Variants in KCNC3 observed in about 807,000 individuals in gnomAD.
KCNC3 encodes voltage-gated potassium channel KCNC3.
Under a neutral mutation model 43.9 loss-of-function variants are expected in KCNC3, and 22 were observed. That is an observed-to-expected ratio of 0.50 (90% CI 0.36 to 0.72). The LOEUF is 0.72. Among genes scored for constraint, KCNC3 ranks in the 30% least tolerant of loss-of-function variants. The pLI is 0.00. For synonymous variants in KCNC3, 492 were observed against 488.0 expected (o/e 1.01, Z -0.11); for missense variants, 829 against 1,073.8 (o/e 0.77, Z 3.19).
Position 50,323,660 on chromosome 19 carries a change from G to A in KCNC3, c.1293C>T (p.Phe431=), listed in dbSNP as rs752090228. 37 of 1,614,062 alleles carry A rather than the reference G, an allele frequency of 2.3e-5. 1 individual carries two copies. The highest frequency in any genetic ancestry group is 1.8e-4 in the South Asian group (16 of 91,084). ...ILRIFKLTRH[F]VGLRVLGHTL... ...TGTGTCCCAGCACGCGCAGCCCCAC[G>A]AAGTGCCGGGTCAGCTTGAAGATGC... Residue 431 remains phenylalanine (F), a synonymous_variant, in exon 2 of 5, where the codon TTC becomes TTT. Coordinates refer to ENST00000477616, the MANE Select transcript of KCNC3 (RefSeq NM_004977.3).
chr19:50,319,774 T>C (rs1330345402), intron 4 of KCNC3, among the ~76,000 whole-genome samples: 1 of 152,098 alleles, frequency 6.6e-6, no homozygotes, highest in African/African-American at 2.4e-5. Context: ...GAACTCCCCA[T>C]GCCCAGTACC....
Position 50,328,194 on chromosome 19 carries a change from GC to G in KCNC3, c.870+18del. 9.2e-7 allele frequency: 1 copy of G among 1,090,366 alleles called. No individual in the cohort carries two copies. Among genetic ancestry groups the G allele is most frequent in the Non-Finnish European group, 1.1e-6 (1 of 900,214 alleles). 67.5% of individuals were successfully genotyped at this position (1,090,366 alleles called of 1,614,324 possible). A position where few individuals can be genotyped will look rare whatever the true frequency, so the allele number is the denominator to read the frequency against. ...AGAGGCGGGGGTGGGGTGGATGGGG[GC>G]CCCGAGAGCGCGCTCACCCTGGCAG... On this transcript the variant is annotated intron_variant, in intron 1 of 4. Transcript: ENST00000477616.
rs2036926183 is a variant in KCNC3, at chr19:50,314,871, G to A, written c.*1244C>T. The A allele has an allele frequency of 3.2e-6, 1 of 311,678 alleles. No individual in the cohort carries two copies. Among genetic ancestry groups the A allele is most frequent in the African/African-American group, 2.3e-5 (1 of 42,872 alleles). 19.3% of individuals were successfully genotyped at this position (311,678 alleles called of 1,614,324 possible). Reference sequence around the variant, plus strand: ...GGGGAGCGCTAAAGGATGGAGGGCAGGGTCGGGGGAGCGCGGCGGGCGGCC... The same window carrying A: ...GGGGAGCGCTAAAGGATGGAGGGCAAGGTCGGGGGAGCGCGGCGGGCGGCC... On this transcript the variant is annotated 3_prime_UTR_variant, in exon 5 of 5. Coordinates refer to ENST00000477616, the MANE Select transcript of KCNC3 (RefSeq NM_004977.3).
Position 50,324,059 on chromosome 19 carries a change from G to A in KCNC3, c.894C>T (p.Phe298=). The change falls in exon 2 of 5, where the codon TTC becomes TTT. Residue 298 remains phenylalanine (F), a synonymous_variant. Coordinates refer to ENST00000477616, the MANE Select transcript of KCNC3 (RefSeq NM_004977.3). This position sits in a 1 kb window ranked among gnomAD's most constrained non-coding sequence, Gnocchi z 4.1. ...AGGTGGTGATGGAGATGAGGATGAA[G>A]AAGAGGGAGGCGAAGGCCACATACT... is the stretch of plus-strand genomic sequence containing the variant. ...AARYVAFASL[F]FILISITTFC... The A allele has an allele frequency of 1.2e-6, 2 of 1,601,262 alleles. No homozygotes were observed. The highest frequency in any genetic ancestry group is 1.7e-6 in the Non-Finnish European group (2 of 1,172,566).
chr19:50,323,372 C>G lies in KCNC3; in HGVS notation c.1581G>C (p.Gly527=), dbSNP rs1268320906. 1 of 1,614,158 alleles carries G rather than the reference C, an allele frequency of 6.2e-7. No homozygotes were observed. The highest frequency in any genetic ancestry group is 1.7e-5 in the Admixed American group (1 of 60,030). Residue 527 remains glycine (G), a synonymous_variant, in exon 2 of 5, where the codon GGG becomes GGC. Transcript: ENST00000477616. ...MLVGALCALA[G]VLTIAMPVPV... is the part of the protein sequence containing the mutation. Reference sequence around the variant, plus strand: ...GCACAGGCATGGCGATGGTCAGCACCCCCGCCAGGGCACACAGCGCCCCGA... The same window carrying G: ...GCACAGGCATGGCGATGGTCAGCACGCCCGCCAGGGCACACAGCGCCCCGA...
At chr19:50,318,707 T>C (rs2036988504) in intron 4 of KCNC3, among the ~76,000 whole-genome samples, 1 of 152,214 alleles carries the variant, frequency 6.6e-6, no homozygotes, top group Non-Finnish European at 1.5e-5. Context: ...CCTTACAATC[T>C]GGAGACTGTA....
In KCNC3 at chr19:50,323,173, T is replaced by G. The variant is rs1211730082; in HGVS notation, c.1780A>C (p.Ile594Leu). ...GGGGTGATGGGTGGCGGCGGGCTGA[T>G]GCCCCCGCTGCCGTGGTGCGGGTGG... ...PPHPHHGSGG[I>L]SPPPPITPPS... is the part of the protein sequence containing the mutation. Residue 594 changes from isoleucine to leucine, a missense_variant, in exon 2 of 5, where the codon ATC (isoleucine) becomes CTC (leucine). Physicochemically the swap from Ile to Leu is conservative, Grantham distance 5. Transcript: ENST00000477616. 2.0e-6 allele frequency: 3 copies of G among 1,482,910 alleles called. No homozygotes were observed. The highest frequency in any genetic ancestry group is 2.0e-5 in the Admixed American group (1 of 50,738). 91.9% of individuals were successfully genotyped at this position (1,482,910 alleles called of 1,614,324 possible). A position where few individuals can be genotyped will look rare whatever the true frequency, so the allele number is the denominator to read the frequency against.
intron 2 of KCNC3, among the ~76,000 whole-genome samples, chr19:50,321,835 G>A (rs2037038130): frequency 6.6e-6 from 1 of 151,880 alleles, no homozygotes; most frequent in African/African-American, 2.4e-5. Flanking sequence ...GGGAGAAGAT[G>A]AGGCAGTGTT....
At chr19:50,330,276 ATAAAT>A (rs2037172139), upstream of KCNC3, among the ~76,000 whole-genome samples, 1 of 152,080 alleles carries the variant, frequency 6.6e-6, no homozygotes, top group Admixed American at 6.5e-5. Context: ...CAAAAAATAA[ATAAAT>A]AAAAGAAAAA....
chr19:50,318,368 T>C (rs2036984312), intron 4 of KCNC3, among the ~76,000 whole-genome samples: 1 of 151,866 alleles, frequency 6.6e-6, no homozygotes, highest in African/African-American at 2.4e-5. Flanking sequence ...AGAGATGGGG[T>C]TTCACCATGT....
Position 50,328,699 on chromosome 19 carries a change from G to T in KCNC3, c.384C>A (p.Tyr128Ter). ...AGAAGAACTCGTCGGCGCCCGGGTC[G>T]TAGTCGAAGCGTGCCGCCGCCTCGG... is the stretch of plus-strand genomic sequence containing the variant. ...TEPEAAARFD[Y>*]DPGADEFFFD... The change falls in exon 1 of 5, where the codon TAC becomes TAA. Residue 128 changes from tyrosine to a stop codon, truncating the protein, a stop_gained. Coordinates refer to ENST00000477616, the MANE Select transcript of KCNC3 (RefSeq NM_004977.3). LOFTEE classifies it high-confidence loss of function. 1 of 1,603,164 alleles carries T rather than the reference G, an allele frequency of 6.2e-7. No individual in the cohort carries two copies. Among genetic ancestry groups the T allele is most frequent in the Non-Finnish European group, 8.5e-7 (1 of 1,175,782 alleles).
upstream of KCNC3, chr19:50,333,484 C>G (rs1480291218): frequency 1.0e-5 from 2 of 198,472 alleles, no homozygotes; most frequent in African/African-American, 4.6e-5. Flanking sequence ...ACAGCCACCC[C>G]CGACTGCCAC....
rs2123510809 is a variant in KCNC3, at chr19:50,313,401, T to C, written c.*2714A>G. ...AGCGATGCCTGCACTTATCGGCTTC[T>C]GTACAAAATGCGTATTAGAGACAAA... On this transcript the variant is annotated 3_prime_UTR_variant, in exon 5 of 5. Coordinates refer to ENST00000477616, the MANE Select transcript of KCNC3 (RefSeq NM_004977.3). 1 of 152,384 alleles carries C rather than the reference T, an allele frequency of 6.6e-6. No individual in the cohort carries two copies. The highest frequency in any genetic ancestry group is 1.5e-5 in the Non-Finnish European group (1 of 68,040). 9.4% of individuals were successfully genotyped at this position (152,384 alleles called of 1,614,324 possible). A position where few individuals can be genotyped will look rare whatever the true frequency, so the allele number is the denominator to read the frequency against.
Position 50,323,415 on chromosome 19 carries a change from GT to G in KCNC3, c.1537del (p.Thr513ArgfsTer17), listed in dbSNP as rs746846340. The part of the protein sequence containing the change: ...TLGYGDMYPK[T>X]WSGMLVGALC... ...CGCCCCGACCAGCATCCCCGACCAC[GT>G]CTTGGGGTACATGTCTCCATAGCCC... On this transcript the variant is annotated frameshift_variant, in exon 2 of 5. Transcript: ENST00000477616. LOFTEE classifies it high-confidence loss of function. 1 of 1,614,202 alleles carries G rather than the reference GT, an allele frequency of 6.2e-7. No individual in the cohort carries two copies. The highest frequency in any genetic ancestry group is 1.7e-5 in the Admixed American group (1 of 60,034).
chr19:50,331,146 G>A (rs1359668397), upstream of KCNC3, among the ~76,000 whole-genome samples: 1 of 151,568 alleles, frequency 6.6e-6, no homozygotes, highest in Non-Finnish European at 1.5e-5. Flanking sequence ...ACCCCTCTGA[G>A]TCTCCGACCC....
chr19:50,316,338 G>A (rs1281770860), intron 4 of KCNC3, among the ~76,000 whole-genome samples: 1 of 151,888 alleles, frequency 6.6e-6, no homozygotes, highest in Admixed American at 6.6e-5. Flanking sequence ...GAGTTCTGGG[G>A]AGGAGTGGGA....
chr19:50,321,995 A>G (rs11666177), intron 2 of KCNC3, among the ~76,000 whole-genome samples: 51,149 of 151,720 alleles, frequency 0.34, 9,095 homozygotes, highest in East Asian at 0.73. Context: ...GGGAAGGGCT[A>G]GGTTAGGTGA....
chr19:50,319,975 C>T (rs902703103), intron 4 of KCNC3, among the ~76,000 whole-genome samples: 1 of 148,332 alleles, frequency 6.7e-6, no homozygotes, highest in African/African-American at 2.5e-5. Context: ...AGGATGGGGT[C>T]GGTCGTGAGG....
chr19:50,320,406 G>C (rs1022361398), intron 3 of KCNC3, 57 bp from the exon 4 acceptor site: 2 of 617,040 alleles, frequency 3.2e-6, no homozygotes, highest in African/African-American at 1.9e-5. Context: ...AATAAAGACA[G>C]GTGAAGGGTC....
Sources: gnomAD v4.1 joint callset for allele counts (sites outside exome capture counted in the v4.1 genomes callset) on GRCh38, gnomAD v4.1.1 for gene constraint, Gnocchi (gnomAD v3.1) non-coding constraint, MANE v1.5 for transcripts, NCBI Gene and HGNC (gene_info 2026-07-23, HGNC 2026-07-21) for gene names.